The following RBFOX1 variants were observed in gnomAD, a reference collection of about 807,000 sequenced individuals.
RBFOX1 encodes RNA binding protein fox-1 homolog 1.
In RBFOX1, 8 loss-of-function variants were observed where a neutral mutation model predicts 57.7. The observed-to-expected ratio is 0.14, with a 90% CI of 0.08 to 0.25. RBFOX1 has a LOEUF of 0.25. RBFOX1 is among the 10% of genes least tolerant of loss of function. The pLI is 1.00. For missense variants in RBFOX1, 611 were observed against 548.5 expected (o/e 1.11, Z -1.14); for synonymous variants, 326 against 222.4 (o/e 1.47, Z -4.15).
At chr16:7,320,157 C>T (rs910938552) in intron 4 of RBFOX1, among the ~76,000 whole-genome samples, 8 of 152,064 alleles carry the variant, frequency 5.3e-5, no homozygotes, top group African/African-American at 1.9e-4. Context: ...TGGTGGTTGT[C>T]TGCACCCATC....
At chr16:5,758,954 A>G (rs755059268) in intron 3 of RBFOX1, among the ~76,000 whole-genome samples, 7 of 152,198 alleles carry the variant, frequency 4.6e-5, no homozygotes, top group Non-Finnish European at 1.0e-4. Context: ...GGGTTGTGAG[A>G]GGGGCAGTGT....
intron 2 of RBFOX1, among the ~76,000 whole-genome samples, chr16:6,411,723 T>G (rs999367833): frequency 2.0e-5 from 3 of 152,264 alleles, no homozygotes; most frequent in African/African-American, 7.2e-5. Context: ...GCTTTTATTA[T>G]TGAAAGTCAT....
chr16:6,966,761 G>GTCTA lies in RBFOX1; in HGVS notation c.-15-85268_-15-85265dup, dbSNP rs57023399. On this transcript the variant is annotated intron_variant, in intron 3 of 15. Coordinates refer to ENST00000550418, the MANE Select transcript of RBFOX1 (RefSeq NM_018723.4). ...TCTGCCTGCCTCTATCTGTCTGTCTGTCTATCTATCTATCTATCTATCTAT... is the reference window on the plus strand; with the variant it reads ...TCTGCCTGCCTCTATCTGTCTGTCTGTCTATCTATCTATCTATCTATCTATCTAT... 6.0e-3 allele frequency among the ~76,000 whole-genome samples: 902 copies of GTCTA among 149,210 alleles called. 6 individuals carry two copies. Among genetic ancestry groups the GTCTA allele is most frequent in the East Asian group, 0.025 (125 of 5,004 alleles).
chr16:7,153,194 ATT>A (rs5815379), intron 4 of RBFOX1, among the ~76,000 whole-genome samples: 2 of 150,918 alleles, frequency 1.3e-5, no homozygotes, highest in African/African-American at 4.9e-5. Flanking sequence ...GGACATAATC[ATT>A]TTTTTTTTAA....
chr16:6,336,240 C>T (rs1358152742), intron 2 of RBFOX1, among the ~76,000 whole-genome samples: 2 of 112,838 alleles, frequency 1.8e-5, no homozygotes, highest in Non-Finnish European at 3.4e-5. Context: ...GCTCTGTCGC[C>T]CAGGCTGGAG....
intron 3 of RBFOX1, among the ~76,000 whole-genome samples, chr16:6,981,973 C>T (rs778450440): frequency 3.9e-5 from 6 of 152,182 alleles, no homozygotes; most frequent in Admixed American, 1.3e-4. Flanking sequence ...CATGAAAATA[C>T]AAATAAGCCT....
intron 3 of RBFOX1, among the ~76,000 whole-genome samples, chr16:6,999,216 A>AT (rs374767232): frequency 0.19 from 20,429 of 108,860 alleles, 3,401 homozygotes; most frequent in East Asian, 0.55. Context: ...ATTTTTATTT[A>AT]TTTTTTTTAT....
At chr16:5,291,562 C>G (rs578103420) in intron 1 of RBFOX1, among the ~76,000 whole-genome samples, 3 of 152,158 alleles carry the variant, frequency 2.0e-5, no homozygotes, top group African/African-American at 7.2e-5. Flanking sequence ...CGCGCCTGGC[C>G]GAGCTTTTAT....
At chr16:6,792,986 A>G (rs974896352) in intron 3 of RBFOX1, among the ~76,000 whole-genome samples, 4 of 151,510 alleles carry the variant, frequency 2.6e-5, no homozygotes, top group Non-Finnish European at 4.4e-5. Flanking sequence ...CTGAGACTGC[A>G]TCACTGCACT....
At chr16:5,412,718 A>G (rs2067053710) in intron 1 of RBFOX1, among the ~76,000 whole-genome samples, 1 of 152,186 alleles carries the variant, frequency 6.6e-6, no homozygotes, top group Admixed American at 6.5e-5. Flanking sequence ...GAGGAGTCGG[A>G]ATTAGCGTCC....
chr16:6,542,980 C>A (rs1388857523), intron 2 of RBFOX1, among the ~76,000 whole-genome samples: 2 of 152,224 alleles, frequency 1.3e-5, no homozygotes, highest in East Asian at 3.9e-4. Context: ...ATCCTGGATG[C>A]CCTACTCTTT....
chr16:5,544,769 A>T (rs1480110857), intron 2 of RBFOX1, among the ~76,000 whole-genome samples: 2 of 152,100 alleles, frequency 1.3e-5, no homozygotes, highest in Non-Finnish European at 2.9e-5. Context: ...GAACAACTTT[A>T]TGCTCATAAA....
chr16:5,357,305 G>A (rs2065418141), intron 1 of RBFOX1, among the ~76,000 whole-genome samples: 1 of 152,200 alleles, frequency 6.6e-6, no homozygotes, highest in Admixed American at 6.5e-5. Flanking sequence ...AATCAAATAT[G>A]GCCCAATTAG....
At chr16:6,057,176 A>T (rs923244858) in intron 1 of RBFOX1, 38 of 152,258 alleles carry the variant, frequency 2.5e-4, no homozygotes, top group Admixed American at 1.0e-3. Flanking sequence ...AGTAAATTAG[A>T]TTGCATGGAG....
intron 2 of RBFOX1, among the ~76,000 whole-genome samples, chr16:6,494,902 G>C (rs1340151034): frequency 6.6e-6 from 1 of 152,140 alleles, no homozygotes; most frequent in Non-Finnish European, 1.5e-5. Flanking sequence ...ATGCCAGGCT[G>C]TATTCTAAGC....
At chr16:7,228,439 G>C (rs1400419145) in intron 4 of RBFOX1, among the ~76,000 whole-genome samples, 8 of 152,138 alleles carry the variant, frequency 5.3e-5, no homozygotes, top group African/African-American at 1.9e-4. Context: ...CTCTTAATCA[G>C]AGTACCTACT....
intron 4 of RBFOX1, among the ~76,000 whole-genome samples, chr16:7,273,986 C>CT (rs1157024861): frequency 1.3e-5 from 2 of 152,206 alleles, no homozygotes; most frequent in African/African-American, 4.8e-5. Flanking sequence ...AGTTCCTGAA[C>CT]TGTGGTTGAA....
At chr16:6,502,849 C>G (rs1046558082) in intron 2 of RBFOX1, among the ~76,000 whole-genome samples, 6 of 152,094 alleles carry the variant, frequency 3.9e-5, no homozygotes, top group Non-Finnish European at 7.4e-5. Context: ...GGATTGAATC[C>G]AAATACTAAC....
At chr16:5,477,897 A>T (rs1227166679) in intron 2 of RBFOX1, among the ~76,000 whole-genome samples, 1 of 152,168 alleles carries the variant, frequency 6.6e-6, no homozygotes, top group Non-Finnish European at 1.5e-5. Flanking sequence ...CTGAGACAGA[A>T]AGGGCGTGAT....
Sources: gnomAD v4.1 joint callset for allele counts (sites outside exome capture counted in the v4.1 genomes callset) on GRCh38, gnomAD v4.1.1 for gene constraint, MANE v1.5 for transcripts, NCBI Gene and HGNC (gene_info 2026-07-23, HGNC 2026-07-21) for gene names.